C10orf67: variants seen among roughly 807,000 people sequenced by gnomAD.
C10orf67 encodes chromosome 10 open reading frame 67, also known as uncharacterized protein C10orf67, mitochondrial.
Under a neutral mutation model 35.6 loss-of-function variants are expected in C10orf67, and 60 were observed. That is an observed-to-expected ratio of 1.68 (90% CI 1.37 to 2.09). The LOEUF is 2.09. C10orf67 is among the 30% of genes most tolerant of loss of function. The probability of loss-of-function intolerance (pLI) is 0.00; values close to 1 mark genes in which losing one functional copy is unlikely to be tolerated. For synonymous variants in C10orf67, 167 were observed against 115.8 expected, an observed-to-expected ratio of 1.44 and a Z score of -2.84; for missense variants, 474 against 330.2, an observed-to-expected ratio of 1.44 and a Z score of -3.38.
chr10:23,318,404 T>TG (rs751229905), intron 4 of C10orf67: 1 of 153,404 alleles, frequency 6.5e-6, no homozygotes, highest in Non-Finnish European at 1.5e-5. Context: ...TTTGTCAGCA[T>TG]GGTAGCTCAA....
At chr10:23,312,772 A>G (rs1399741577) in intron 4 of C10orf67, among the ~76,000 whole-genome samples, 3 of 152,224 alleles carry the variant, frequency 2.0e-5, no homozygotes, top group Non-Finnish European at 4.4e-5. Flanking sequence ...GATGAGATAA[A>G]TATTTAAATA....
intron 4 of C10orf67, among the ~76,000 whole-genome samples, chr10:23,309,059 A>C (rs941457637): frequency 6.6e-6 from 1 of 151,892 alleles, no homozygotes; most frequent in Non-Finnish European, 1.5e-5. Context: ...GGTTTATTTT[A>C]CTCTTAAAAA....
At chr10:23,335,129 A>G (rs574864024) in intron 1 of C10orf67, among the ~76,000 whole-genome samples, 1 of 151,760 alleles carries the variant, frequency 6.6e-6, no homozygotes, top group East Asian at 1.9e-4. Flanking sequence ...CAGAGGCTGC[A>G]GTGAGCCGAG....
chr10:23,210,978 A>C (rs953686347), intron 15 of C10orf67, among the ~76,000 whole-genome samples: 2 of 152,224 alleles, frequency 1.3e-5, no homozygotes, highest in African/African-American at 4.8e-5. Flanking sequence ...AATAGTGGGT[A>C]TCAATTATTT....
At chr10:23,337,224 A>T (rs1845721552) in intron 1 of C10orf67, among the ~76,000 whole-genome samples, 1 of 152,234 alleles carries the variant, frequency 6.6e-6, no homozygotes, top group Non-Finnish European at 1.5e-5. Context: ...CAGTCATCAT[A>T]AAAGTGACAT....
intron 10 of C10orf67, among the ~76,000 whole-genome samples, chr10:23,262,233 T>C (rs1165445722): frequency 6.6e-6 from 1 of 151,888 alleles, no homozygotes; most frequent in African/African-American, 2.4e-5. Context: ...CACGTCTGGG[T>C]AGTGTCAGGA....
chr10:23,243,579 C>T (rs1449065499), intron 12 of C10orf67, among the ~76,000 whole-genome samples: 1 of 151,300 alleles, frequency 6.6e-6, no homozygotes, highest in Non-Finnish European at 1.5e-5. Context: ...CCCAGCTACT[C>T]GGGAGGCTGA....
Position 23,266,332 on chromosome 10 carries a change from A to G in C10orf67, c.1130T>C (p.Met377Thr). 7.5e-6 allele frequency: 3 copies of G among 398,606 alleles called. No individual in the cohort carries two copies. Among genetic ancestry groups the G allele is most frequent in the Non-Finnish European group, 1.3e-5 (3 of 226,076 alleles). The allele number at this position is 398,606 out of a possible 1,614,324, so 24.7% of individuals were successfully genotyped here. A position where few individuals can be genotyped will look rare whatever the true frequency, so the allele number is the denominator to read the frequency against. ...TTALRPHSATMSVSSAGAQKA... is the reference protein window; with the variant it reads ...TTALRPHSATTSVSSAGAQKA... The stretch of plus-strand genomic sequence containing the variant: ...CTGGGCCCCAGCAGATGATACACTC[A>G]TGGTCGCAGAATGTGGCCTCAAAGC... Residue 377 changes from methionine (M) to threonine (T), a missense_variant, in exon 10 of 16, where the codon ATG becomes ACG. By Grantham distance (81) the Met-to-Thr change is moderately conservative. Transcript: ENST00000636213.
intron 4 of C10orf67, among the ~76,000 whole-genome samples, chr10:23,306,560 G>A (rs1844293096): frequency 6.6e-6 from 1 of 151,714 alleles, no homozygotes. Context: ...AAGAATGGTG[G>A]TTGACAAAGG....
intron 12 of C10orf67, among the ~76,000 whole-genome samples, chr10:23,240,855 G>A (rs369885788): frequency 5.5e-4 from 84 of 152,308 alleles, no homozygotes; most frequent in Non-Finnish European, 9.7e-4. Context: ...CATGGGAGAC[G>A]TACAAGATTT....
At chr10:23,247,500 A>T (rs193264026) in intron 12 of C10orf67, among the ~76,000 whole-genome samples, 1 of 152,298 alleles carries the variant, frequency 6.6e-6, no homozygotes, top group African/African-American at 2.4e-5. Flanking sequence ...TTGTAAGCAC[A>T]CTCTAAGATG....
intron 8 of C10orf67, among the ~76,000 whole-genome samples, chr10:23,270,221 C>A (rs942667829): frequency 6.6e-6 from 1 of 152,152 alleles, no homozygotes; most frequent in Non-Finnish European, 1.5e-5. Context: ...ACCTGACCCA[C>A]AGAGAATGAA....
chr10:23,256,876 G>C lies in C10orf67; in HGVS notation c.1201-6185C>G, dbSNP rs530124847. Among the ~76,000 whole-genome samples the C allele has an allele frequency of 9.2e-5, 14 of 152,280 alleles. No homozygotes were observed. In the East Asian group the frequency reaches 2.3e-3, roughly 25 times the overall value. On this transcript the variant is annotated intron_variant, in intron 10 of 15. Coordinates refer to ENST00000636213, the MANE Select transcript of C10orf67 (RefSeq NM_001371909.1). ...GCCTCTGGGAGAGGGGAAGCAAACTGTCTGGCCAACCAGGCTCAAAGAAGG... is the reference window on the plus strand; with the variant it reads ...GCCTCTGGGAGAGGGGAAGCAAACTCTCTGGCCAACCAGGCTCAAAGAAGG...
chr10:23,244,042 C>A (rs936488836), intron 12 of C10orf67, among the ~76,000 whole-genome samples: 5 of 152,098 alleles, frequency 3.3e-5, no homozygotes, highest in African/African-American at 1.2e-4. Flanking sequence ...CAGGTGCATG[C>A]CACGACACCC....
intron 15 of C10orf67, among the ~76,000 whole-genome samples, chr10:23,210,401 T>C (rs968513976): frequency 6.6e-6 from 1 of 152,180 alleles, no homozygotes; most frequent in African/African-American, 2.4e-5. Flanking sequence ...GGAGTCTAAA[T>C]GGAGTTAACC....
At chr10:23,211,748 C>T (rs1325741861) in intron 15 of C10orf67, among the ~76,000 whole-genome samples, 1 of 152,010 alleles carries the variant, frequency 6.6e-6, no homozygotes, top group Admixed American at 6.6e-5. Context: ...TTATCCAGAA[C>T]ATGAAGAGAA....
intron 7 of C10orf67, among the ~76,000 whole-genome samples, chr10:23,287,804 G>A (rs1843595353): frequency 6.6e-6 from 1 of 152,012 alleles, no homozygotes; most frequent in Non-Finnish European, 1.5e-5. Flanking sequence ...TCAAAAAGTG[G>A]GCAAAGGATA....
At chr10:23,215,579 G>C (rs1236718097) in intron 15 of C10orf67, among the ~76,000 whole-genome samples, 1 of 152,010 alleles carries the variant, frequency 6.6e-6, no homozygotes, top group African/African-American at 2.4e-5. Context: ...GCCCGGCTGA[G>C]ATATCTATTA....
intron 10 of C10orf67, chr10:23,258,398 A>G (rs1250438574): frequency 3.5e-5 from 6 of 171,066 alleles, no homozygotes; most frequent in Non-Finnish European, 1.4e-5. Flanking sequence ...CTATTATCAT[A>G]GGCTCCCTCC....
Sources: allele counts gnomAD v4.1 joint callset (sites outside exome capture counted in the v4.1 genomes callset), GRCh38; gene constraint gnomAD v4.1.1; transcripts MANE v1.5; gene names NCBI Gene and HGNC (gene_info 2026-07-23, HGNC 2026-07-21).